Variants in OTOA observed in about 807,000 individuals in gnomAD.
OTOA encodes otoancorin, also known as cancer/testis antigen 108.
OTOA carries 70 observed loss-of-function variants against 110.8 expected under a neutral mutation model. That is an observed-to-expected ratio of 0.63 (90% CI 0.52 to 0.77). The LOEUF (loss-of-function observed/expected upper bound fraction) is 0.77. Among genes scored for constraint, OTOA ranks in the 30% least tolerant of loss-of-function variants. The pLI is 0.00. For synonymous variants in OTOA, 373 were observed against 431.5 expected (o/e 0.86, Z 1.68); for missense variants, 917 against 1,075.8 (o/e 0.85, Z 2.06).
At chr16:21,695,932 T>C (rs1477976500) in intron 9 of OTOA, among the ~76,000 whole-genome samples, 1 of 139,450 alleles carries the variant, frequency 7.2e-6, no homozygotes, top group East Asian at 2.1e-4. Context: ...TCTGGCTCTG[T>C]CACTCAGGCT....
At position 21,689,754 on chromosome 16, in the gene OTOA, C is replaced by T. The variant is rs577350744; in HGVS notation, c.636-1830C>T. Among the ~76,000 whole-genome samples, 42 of 152,018 alleles carry T rather than the reference C, an allele frequency of 2.8e-4. 1 individual carries two copies. The South Asian group carries it at 8.3e-3, about 30-fold the overall frequency. On this transcript the variant is annotated intron_variant, in intron 8 of 28. Transcript: ENST00000646100. ...AGGCTGGAGTGCAATGGCCCCATCT[C>T]GGCTCACTGCAACCTCCACCTCCCA...
intron 3 of OTOA, 31 bp downstream of exon 3, chr16:21,678,974 C>T (rs1447711927): frequency 3.1e-6 from 5 of 1,613,618 alleles, no homozygotes; most frequent in Non-Finnish European, 4.2e-6. Context: ...TAATCAGAGT[C>T]CCCTCTACTG....
chr16:21,716,776 G>C, intron 14 of OTOA, 131 bp from the exon 15 acceptor site: 1 of 1,023,134 alleles, frequency 9.8e-7, no homozygotes, highest in East Asian at 2.4e-5. Context: ...TGGGGATGAT[G>C]CTACTCTCCA....
chr16:21,716,533 T>G (rs770446182), intron 14 of OTOA, among the ~76,000 whole-genome samples: 1 of 152,070 alleles, frequency 6.6e-6, no homozygotes, highest in Non-Finnish European at 1.5e-5. Flanking sequence ...ATCATGCCAC[T>G]GAATTCCAGC....
chr16:21,686,337 G>A (rs1897711670), intron 7 of OTOA, among the ~76,000 whole-genome samples: 1 of 151,572 alleles, frequency 6.6e-6, no homozygotes, highest in African/African-American at 2.4e-5. Context: ...CATCCAGGCT[G>A]GAGTGCAGTG....
intron 19 of OTOA, chr16:21,727,041 G>A: frequency 4.1e-6 from 1 of 244,950 alleles, no homozygotes; most frequent in Non-Finnish European, 7.6e-6. Flanking sequence ...TTTTGGGACA[G>A]AGTCTCACTC....
At chr16:21,691,720 T>C (rs374990400) in intron 9 of OTOA, 33 bp downstream of exon 9, 1 of 1,546,292 alleles carries the variant, frequency 6.5e-7, no homozygotes, top group African/African-American at 1.4e-5. Context: ...GGTCACTTTT[T>C]GGGGGAAGAA....
chr16:21,691,272 A>C (rs1190337951), intron 8 of OTOA, among the ~76,000 whole-genome samples: 2 of 152,096 alleles, frequency 1.3e-5, no homozygotes, highest in African/African-American at 2.4e-5. Flanking sequence ...GCCACAATAA[A>C]CATACGTGTG....
chr16:21,730,684 A>C (rs1899087023), intron 20 of OTOA, 153 bp from the exon 21 acceptor site: 1 of 640,962 alleles, frequency 1.6e-6, no homozygotes, highest in African/African-American at 1.8e-5. Context: ...AGCCTGCATC[A>C]CATGCCAATT....
chr16:21,698,401 C>T (rs951002262), intron 10 of OTOA, among the ~76,000 whole-genome samples: 1 of 152,194 alleles, frequency 6.6e-6, no homozygotes, highest in Non-Finnish European at 1.5e-5. Context: ...CACTAGTCAA[C>T]CTGTCCCTCT....
intron 18 of OTOA, among the ~76,000 whole-genome samples, chr16:21,723,749 C>A (rs1898833683): frequency 1.3e-5 from 2 of 152,096 alleles, no homozygotes; most frequent in African/African-American, 4.8e-5. Flanking sequence ...TGTCTCTTGT[C>A]CCAGCTTTTC....
intron 27 of OTOA, among the ~76,000 whole-genome samples, chr16:21,754,094 A>G (rs1899915493): frequency 7.2e-6 from 1 of 138,142 alleles, no homozygotes; most frequent in Non-Finnish European, 1.6e-5. Context: ...TTCTATATAT[A>G]TATATTTTTA....
intron 9 of OTOA, among the ~76,000 whole-genome samples, chr16:21,695,554 C>T (rs944031799): frequency 6.6e-6 from 1 of 151,958 alleles, no homozygotes; most frequent in African/African-American, 2.4e-5. Context: ...TCTAGAGGAT[C>T]GTAGGAGTCT....
chr16:21,693,663 C>T (rs1400781436), intron 9 of OTOA, among the ~76,000 whole-genome samples: 1 of 152,114 alleles, frequency 6.6e-6, no homozygotes, highest in Non-Finnish European at 1.5e-5. Context: ...CTCACTGCAA[C>T]CTCTGCCTCC....
intron 1 of OTOA, among the ~76,000 whole-genome samples, chr16:21,677,062 C>G (rs1386648162): frequency 6.6e-6 from 1 of 152,210 alleles, no homozygotes; most frequent in East Asian, 1.9e-4. Context: ...ATTGTTATTA[C>G]TGAATGGTAT....
At chr16:21,758,720 G>T (rs987514812) in intron 28 of OTOA, among the ~76,000 whole-genome samples, 1 of 150,668 alleles carries the variant, frequency 6.6e-6, no homozygotes, top group Non-Finnish European at 1.5e-5. Context: ...TTTCATTGAG[G>T]CTGGGCACAT....
chr16:21,711,923 A>ACAT (rs1363336901), intron 13 of OTOA, among the ~76,000 whole-genome samples: 1 of 152,230 alleles, frequency 6.6e-6, no homozygotes, highest in Non-Finnish European at 1.5e-5. Flanking sequence ...CTTTGAAACA[A>ACAT]CATAATTTAC....
intron 1 of OTOA, among the ~76,000 whole-genome samples, chr16:21,666,243 A>ATTTTTTTTTTT (rs61085785): frequency 7.8e-6 from 1 of 129,032 alleles, no homozygotes; most frequent in Non-Finnish European, 1.6e-5. Context: ...ATGAAATGGC[A>ATTTTTTTTTTT]TTTTTTTTTT....
intron 28 of OTOA, among the ~76,000 whole-genome samples, chr16:21,757,577 C>T (rs1329576799): frequency 1.3e-5 from 2 of 152,252 alleles, no homozygotes; most frequent in Admixed American, 1.3e-4. Context: ...TTAGCCGCTC[C>T]TTTGCAAACT....
Sources: allele counts gnomAD v4.1 joint callset (sites outside exome capture counted in the v4.1 genomes callset), GRCh38; gene constraint gnomAD v4.1.1; transcripts MANE v1.5; gene names NCBI Gene and HGNC (gene_info 2026-07-23, HGNC 2026-07-21).